The following HAP1 variants were observed in gnomAD, a reference collection of about 807,000 sequenced individuals.
HAP1 encodes the protein huntingtin associated protein 1.
In HAP1, 59 loss-of-function variants were observed where a neutral mutation model predicts 60.3. The observed-to-expected ratio is 0.98, with a 90% CI of 0.79 to 1.22. The LOEUF (loss-of-function observed/expected upper bound fraction) is 1.22, where lower values mean the gene tolerates loss of function less well. Among genes scored for constraint, HAP1 ranks in the 50% most tolerant of loss-of-function variants. The probability of loss-of-function intolerance (pLI) is 0.00; values close to 1 mark genes in which losing one functional copy is unlikely to be tolerated. For missense variants in HAP1, 825 were observed against 785.3 expected (o/e 1.05, Z -0.60); for synonymous variants, 346 against 330.6 (o/e 1.05, Z -0.50).
In HAP1 at chr17:41,731,648, A is replaced by C; in HGVS notation, c.992T>G (p.Leu331Arg). The part of the protein sequence containing the change: ...LRLLEEENHQ[L>R]REEASQLDTL... Reference sequence around the variant, plus strand: ...CTCCCCCATTCTCACCTCTTCTCTCAGCTGATGATTCTCCTCCTCCAGCAG... The same window carrying C: ...CTCCCCCATTCTCACCTCTTCTCTCCGCTGATGATTCTCCTCCTCCAGCAG... Residue 331 changes from leucine to arginine, a missense_variant, in exon 5 of 11, where the codon CTG (leucine) becomes CGG (arginine). Coordinates refer to ENST00000347901, the MANE Select transcript of HAP1 (RefSeq NM_177977.3). 6.2e-7 allele frequency: 1 copy of C among 1,613,534 alleles called. No individual in the cohort carries two copies. Among genetic ancestry groups the C allele is most frequent in the Non-Finnish European group, 8.5e-7 (1 of 1,179,450 alleles).
At chr17:41,733,375 T>TTA (rs1912417892) in intron 1 of HAP1, among the ~76,000 whole-genome samples, 1 of 145,054 alleles carries the variant, frequency 6.9e-6, no homozygotes, top group African/African-American at 2.6e-5. Flanking sequence ...TTTTTTTTTT[T>TTA]TACCCCTGGA....
chr17:41,718,995 T>C (rs1597728961), downstream of HAP1, among the ~76,000 whole-genome samples: 1 of 152,168 alleles, frequency 6.6e-6, no homozygotes, highest in East Asian at 1.9e-4. Flanking sequence ...TTTTATTTTT[T>C]TGAGACAGAG....
rs782311151 is a variant in HAP1 at position 41,724,736 on chromosome 17, C to T, written c.1825G>A (p.Ala609Thr). 27 of 1,594,660 alleles carry T rather than the reference C, an allele frequency of 1.7e-5. No homozygotes were observed. The highest frequency in any genetic ancestry group is 9.0e-5 in the East Asian group (4 of 44,372). The change falls in exon 11 of 11, where the codon GCC becomes ACC. Residue 609 changes from alanine to threonine, a missense_variant. Ala to Thr is a moderately conservative substitution (Grantham distance 58, BLOSUM62 0). Coordinates refer to ENST00000347901, the MANE Select transcript of HAP1 (RefSeq NM_177977.3). The part of the protein sequence containing the change: ...GECPHGALPA[A>T]SRTSCRSSCR ...GACGATCTGCAGCTTGTCCGGCTGG[C>T]GGCAGGGAGGGCCCCGTGGGGGCAC... is the stretch of plus-strand genomic sequence containing the variant.
chr17:41,729,860 G>C (rs1597743563), intron 6 of HAP1, among the ~76,000 whole-genome samples: 1 of 104,608 alleles, frequency 9.6e-6, no homozygotes, highest in African/African-American at 3.9e-5. Context: ...GCGACAGTGA[G>C]ACTCCGTCAA....
chr17:41,734,192 G>T lies in HAP1; in HGVS notation c.443C>A (p.Ala148Asp), dbSNP rs782499722. The T allele has an allele frequency of 2.5e-6, 4 of 1,587,000 alleles. No individual in the cohort carries two copies. The highest frequency in any genetic ancestry group is 3.4e-6 in the Non-Finnish European group (4 of 1,160,682). Residue 148 changes from alanine to aspartate, a missense_variant, in exon 1 of 11, where the codon GCC (alanine) becomes GAC (aspartate). Physicochemically the swap from Ala to Asp is moderately radical, Grantham distance 126. Coordinates refer to ENST00000347901, the MANE Select transcript of HAP1 (RefSeq NM_177977.3). Reference protein sequence around the residue: ...RRPGVSGPERAAFIRELEEAL... With the variant: ...RRPGVSGPERDAFIRELEEAL... ...TTCCTCCAGCTCCCGAATAAAGGCG[G>T]CGCGCTCAGGGCCGGACACCCCGGG...
At chr17:41,721,333 T>C (rs1301066978), downstream of HAP1, 1 of 152,616 alleles carries the variant, frequency 6.6e-6, no homozygotes, top group African/African-American at 2.4e-5. Flanking sequence ...CTGTGTGAGG[T>C]GCCCAGGTTC....
Position 41,734,438 on chromosome 17 carries a change from G to A in HAP1, c.197C>T (p.Thr66Ile). Reference sequence around the variant, plus strand: ...AGCCTCCGAGGCCGGGCGAGCTCCGGTGCGGGCTTCCGAGAGGAACTGGGA... The same window carrying A: ...AGCCTCCGAGGCCGGGCGAGCTCCGATGCGGGCTTCCGAGAGGAACTGGGA... ...SGSQFLSEAR[T>I]GARPASEAGA... is the part of the protein sequence containing the mutation. The change falls in exon 1 of 11, where the codon ACC (threonine) becomes ATC (isoleucine). Residue 66 changes from threonine to isoleucine, a missense_variant. Thr to Ile is a moderately conservative substitution (Grantham distance 89, BLOSUM62 -1). Transcript: ENST00000347901. 1 of 1,608,774 alleles carries A rather than the reference G, an allele frequency of 6.2e-7. No homozygotes were observed. Among genetic ancestry groups the A allele is most frequent in the Non-Finnish European group, 8.5e-7 (1 of 1,176,736 alleles).
At chr17:41,725,268 G>A in intron 10 of HAP1, 114 bp from the exon 11 acceptor site, 1 of 837,386 alleles carries the variant, frequency 1.2e-6, no homozygotes, top group Non-Finnish European at 1.8e-6. Flanking sequence ...GTCCCAGCCA[G>A]GGGAGAGGGG....
intron 9 of HAP1, among the ~76,000 whole-genome samples, chr17:41,726,768 CAGG>C (rs1438430770): frequency 6.6e-6 from 1 of 151,620 alleles, no homozygotes; most frequent in African/African-American, 2.4e-5. Context: ...AAGGCTGAAG[CAGG>C]AGAATTGCTT....
rs567948097 is a variant in HAP1, at chr17:41,724,580, C to CGGTT, written c.*120_*121insAACC. 1,295 of 720,068 alleles carry CGGTT rather than the reference C, an allele frequency of 1.8e-3. 14 individuals are homozygous for CGGTT. The African/African-American group carries it at 0.021, about 12-fold the overall frequency. The allele number at this position is 720,068 out of a possible 1,614,324, so 44.6% of individuals were successfully genotyped here. A position where few individuals can be genotyped will look rare whatever the true frequency, so the allele number is the denominator to read the frequency against. On this transcript the variant is annotated 3_prime_UTR_variant, in exon 11 of 11. Coordinates refer to ENST00000347901, the MANE Select transcript of HAP1 (RefSeq NM_177977.3). ...ATAAATGAGCACTGACACTACGGTT[C>CGGTT]CCACTGAAGGGGATCAGAGGTGTCT... is the stretch of plus-strand genomic sequence containing the variant.
At chr17:41,728,059 G>A (rs1911823427) in intron 7 of HAP1, 142 bp downstream of exon 7, 3 of 1,003,552 alleles carry the variant, frequency 3.0e-6, no homozygotes, top group South Asian at 2.8e-5. Flanking sequence ...ATAACAAGGG[G>A]TCAAGATAAG....
chr17:41,724,319 C>A lies in HAP1; in HGVS notation c.*382G>T, dbSNP rs78394829. On this transcript the variant is annotated 3_prime_UTR_variant, in exon 11 of 11. Transcript: ENST00000347901. Reference sequence around the variant, plus strand: ...CCTGTCCTCCAGCCTGGGTCAGCCCCCGGGCTGCTCCACCATCCCACCCAC... The same window carrying A: ...CCTGTCCTCCAGCCTGGGTCAGCCCACGGGCTGCTCCACCATCCCACCCAC... The A allele has an allele frequency of 0.033, 5,593 of 169,684 alleles. 329 individuals carry two copies. Among genetic ancestry groups the A allele is most frequent in the African/African-American group, 0.12 (5,244 of 42,620 alleles). 10.5% of individuals were successfully genotyped at this position (169,684 alleles called of 1,614,324 possible).
At chr17:41,727,696 C>T (rs1911775630) in intron 8 of HAP1, 66 bp downstream of exon 8, 4 of 1,054,212 alleles carry the variant, frequency 3.8e-6, no homozygotes, top group Admixed American at 3.6e-5. Flanking sequence ...CTGCCAAGGG[C>T]CTGGGGTCCC....
chr17:41,719,365 C>T (rs782016072), downstream of HAP1, among the ~76,000 whole-genome samples: 17 of 152,122 alleles, frequency 1.1e-4, no homozygotes, highest in African/African-American at 1.9e-4. Flanking sequence ...TTCAGAGAGA[C>T]GAGCCACCAT....
chr17:41,719,692 C>CA (rs71155162), downstream of HAP1, among the ~76,000 whole-genome samples: 12 of 143,078 alleles, frequency 8.4e-5, no homozygotes, highest in South Asian at 8.9e-4. Flanking sequence ...GACTCTGTCT[C>CA]AAAAAAAAAA....
At position 41,734,480 on chromosome 17, in the gene HAP1, G is replaced by C. The variant is rs782475050; in HGVS notation, c.155C>G (p.Ser52Cys). ...QARGTGQRVG[S>C]RATSGSQFLS... is the part of the protein sequence containing the mutation. ...GAACTGGGATCCAGAGGTGGCTCGG[G>C]ATCCTACTCTCTGTCCAGTGCCCCG... The change falls in exon 1 of 11, where the codon TCC becomes TGC. Residue 52 changes from serine to cysteine, a missense_variant. Coordinates refer to ENST00000347901, the MANE Select transcript of HAP1 (RefSeq NM_177977.3). The C allele has an allele frequency of 1.9e-6, 3 of 1,611,922 alleles. No individual in the cohort carries two copies. The highest frequency in any genetic ancestry group is 2.2e-5 in the South Asian group (2 of 91,006).
chr17:41,721,302 AGACCCACAGGCCAGTGGCATCTGTGTG>A (rs1352435962), downstream of HAP1: 1 of 152,592 alleles, frequency 6.6e-6, no homozygotes, highest in Non-Finnish European at 1.5e-5. Context: ...GTCCCCTCAG[AGACCCACAGGCCAGTGGCATCTGTGTG>A]AGGTGCCCAG....
chr17:41,726,493 T>C (rs1597737931), intron 9 of HAP1, among the ~76,000 whole-genome samples: 1 of 147,318 alleles, frequency 6.8e-6, no homozygotes, highest in Non-Finnish European at 1.5e-5. Context: ...ACCCAGGAGA[T>C]GGAGGTTGCA....
chr17:41,732,698 G>T (rs782771295), intron 2 of HAP1, 21 bp downstream of exon 2: 1 of 1,579,298 alleles, frequency 6.3e-7, no homozygotes, highest in South Asian at 1.1e-5. Flanking sequence ...GGCTTGCCTG[G>T]ATCAGGAAGG....
Sources: allele counts gnomAD v4.1 joint callset (sites outside exome capture counted in the v4.1 genomes callset), GRCh38; gene constraint gnomAD v4.1.1; transcripts MANE v1.5; gene names NCBI Gene and HGNC (gene_info 2026-07-23, HGNC 2026-07-21).